Variants in UNC13C observed in about 807,000 individuals in gnomAD.
UNC13C encodes protein unc-13 homolog C.
UNC13C carries 174 observed loss-of-function variants against 245.4 expected under a neutral mutation model. The observed-to-expected ratio is 0.71, with a 90% confidence interval of 0.63 to 0.80. UNC13C has a LOEUF of 0.80. Among genes scored for constraint, UNC13C ranks in the 30% least tolerant of loss-of-function variants. UNC13C has a pLI of 0.00. For missense variants in UNC13C, 2,829 were observed against 2,602.9 expected (o/e 1.09, Z -1.89); for synonymous variants, 992 against 895.1 (o/e 1.11, Z -1.93).
chr15:54,353,406 A>G (rs1476474732), intron 17 of UNC13C, among the ~76,000 whole-genome samples: 1 of 152,208 alleles, frequency 6.6e-6, no homozygotes, highest in Non-Finnish European at 1.5e-5. Context: ...GTGTCCCTAC[A>G]AAGACCAGGG....
intron 10 of UNC13C, among the ~76,000 whole-genome samples, chr15:54,280,683 CATAT>C (rs1185215131): frequency 3.3e-5 from 3 of 90,480 alleles, no homozygotes; most frequent in Non-Finnish European, 6.1e-5. Context: ...TACATATATA[CATAT>C]ATAAACATAT....
chr15:54,428,244 C>A (rs1202574322), intron 19 of UNC13C, among the ~76,000 whole-genome samples: 1 of 151,546 alleles, frequency 6.6e-6, no homozygotes, highest in Admixed American at 6.6e-5. Flanking sequence ...TGTTCATGAC[C>A]CTTGTCACAC....
intron 10 of UNC13C, among the ~76,000 whole-genome samples, chr15:54,289,998 G>A (rs1196451452): frequency 1.3e-5 from 2 of 152,162 alleles, no homozygotes; most frequent in South Asian, 4.1e-4. Context: ...CAGAATGCTC[G>A]AGAGGCTGGG....
chr15:53,888,824 T>C, the UNC13C span, among the ~76,000 whole-genome samples: 1 of 152,174 alleles, frequency 6.6e-6, no homozygotes, highest in South Asian at 2.1e-4. Flanking sequence ...CCCCATTGCT[T>C]ATTTGTGTCA....
intron 26 of UNC13C, among the ~76,000 whole-genome samples, chr15:54,541,659 C>A (rs1896250984): frequency 6.6e-6 from 1 of 151,974 alleles, no homozygotes; most frequent in Non-Finnish European, 1.5e-5. Context: ...AGTACCCAAG[C>A]CTCTGTGCCT....
rs1323577152 is a variant in UNC13C, at chr15:54,300,391, T to A, written c.4268+18T>A. ...GCTATGACGTAAGTACTACAGAACA[T>A]TTACATGGTCAATATCTCTATTAAA... On this transcript the variant is annotated intron_variant, in intron 13 of 32. Coordinates refer to ENST00000260323, the MANE Select transcript of UNC13C (RefSeq NM_001080534.3). 7 of 1,553,630 alleles carry A rather than the reference T, an allele frequency of 4.5e-6. No homozygotes were observed. The East Asian group carries it at 1.7e-4, about 37-fold the overall frequency.
the UNC13C span, among the ~76,000 whole-genome samples, chr15:53,871,506 C>T: frequency 6.6e-6 from 1 of 152,186 alleles, no homozygotes; most frequent in Non-Finnish European, 1.5e-5. Context: ...GTCTTTGGTG[C>T]CTTCTATGCA....
intron 30 of UNC13C, among the ~76,000 whole-genome samples, chr15:54,608,325 C>A (rs974989810): frequency 8.5e-5 from 13 of 152,168 alleles, no homozygotes; most frequent in African/African-American, 3.1e-4. Context: ...TCCTCATGAT[C>A]TTGTGAAGGG....
chr15:54,429,700 AATTTT>A (rs1339477294), intron 19 of UNC13C, among the ~76,000 whole-genome samples: 1 of 151,630 alleles, frequency 6.6e-6, no homozygotes, highest in Non-Finnish European at 1.5e-5. Context: ...ATCATTTACT[AATTTT>A]TATTATTTAT....
intron 4 of UNC13C, among the ~76,000 whole-genome samples, chr15:54,159,760 G>C (rs2032898297): frequency 6.6e-6 from 1 of 152,160 alleles, no homozygotes; most frequent in Non-Finnish European, 1.5e-5. Flanking sequence ...TTAAACATCA[G>C]CTAAGAAACA....
At chr15:54,547,942 G>C (rs1347712336) in intron 27 of UNC13C, among the ~76,000 whole-genome samples, 1 of 152,126 alleles carries the variant, frequency 6.6e-6, no homozygotes, top group Non-Finnish European at 1.5e-5. Context: ...CCCTAGGTCA[G>C]AGGCTCTCGA....
chr15:54,196,411 G>A (rs554104708), intron 4 of UNC13C, among the ~76,000 whole-genome samples: 8 of 151,834 alleles, frequency 5.3e-5, no homozygotes, highest in African/African-American at 1.4e-4. Context: ...CAAAAAGTGG[G>A]ACTTTTGGAT....
At chr15:54,065,883 C>T (rs1307022915) in intron 2 of UNC13C, among the ~76,000 whole-genome samples, 1 of 152,158 alleles carries the variant, frequency 6.6e-6, no homozygotes, top group Non-Finnish European at 1.5e-5. Context: ...ATGAAGGGAG[C>T]AATATTAAGG....
At chr15:54,211,695 A>G (rs1194939349) in intron 4 of UNC13C, among the ~76,000 whole-genome samples, 1 of 152,166 alleles carries the variant, frequency 6.6e-6, no homozygotes, top group East Asian at 1.9e-4. Flanking sequence ...GTTCCCCATC[A>G]ATATGAACAG....
the UNC13C span, among the ~76,000 whole-genome samples, chr15:53,928,975 T>G: frequency 6.6e-6 from 1 of 152,172 alleles, no homozygotes; most frequent in Non-Finnish European, 1.5e-5. Flanking sequence ...TCATACTTAG[T>G]GTTTGCTGGG....
intron 4 of UNC13C, among the ~76,000 whole-genome samples, chr15:54,195,780 G>T (rs1243650345): frequency 1.3e-5 from 2 of 152,148 alleles, no homozygotes; most frequent in East Asian, 3.9e-4. Flanking sequence ...GTGCAGCCAG[G>T]AGAGAGTGCT....
chr15:54,252,918 G>A (rs1200813415), intron 8 of UNC13C, among the ~76,000 whole-genome samples: 1 of 152,094 alleles, frequency 6.6e-6, no homozygotes, highest in Non-Finnish European at 1.5e-5. Context: ...TTTAAGCCAA[G>A]GAGTCTTTCC....
intron 10 of UNC13C, among the ~76,000 whole-genome samples, chr15:54,274,068 GC>G (rs1417530740): frequency 2.6e-5 from 4 of 151,584 alleles, no homozygotes; most frequent in African/African-American, 7.3e-5. Flanking sequence ...GATTTTTTTT[GC>G]CCCAGAGCTT....
At chr15:54,087,242 G>A (rs1200407168) in intron 2 of UNC13C, among the ~76,000 whole-genome samples, 1 of 151,968 alleles carries the variant, frequency 6.6e-6, no homozygotes, top group Non-Finnish European at 1.5e-5. Context: ...ATAAATCAAA[G>A]AGTCTTAAAA....
Sources: allele counts gnomAD v4.1 joint callset (sites outside exome capture counted in the v4.1 genomes callset), GRCh38; gene constraint gnomAD v4.1.1; transcripts MANE v1.5; gene names NCBI Gene and HGNC (gene_info 2026-07-23, HGNC 2026-07-21).